DNAH5: variants seen among roughly 807,000 people sequenced by gnomAD.
The protein encoded by DNAH5 is axonemal beta dynein heavy chain 5.
DNAH5 carries 372 observed loss-of-function variants against 518.2 expected under a neutral mutation model. That is an observed-to-expected ratio of 0.72 (90% confidence interval 0.66 to 0.78). The LOEUF is 0.78. DNAH5 is among the 30% of genes least tolerant of loss of function. DNAH5 has a pLI of 0.00. For synonymous variants in DNAH5, 2,039 were observed against 2,025.9 expected (o/e 1.01, Z -0.17); for missense variants, 5,523 against 5,687.0 (o/e 0.97, Z 0.93).
At chr5:13,785,696 A>C (rs541508598) in intron 52 of DNAH5, among the ~76,000 whole-genome samples, 1 of 152,318 alleles carries the variant, frequency 6.6e-6, no homozygotes, top group East Asian at 1.9e-4. Context: ...CAACCCTGGA[A>C]TTCTCCATTC....
Position 13,820,368 on chromosome 5 carries a change from G to A in DNAH5, c.6819C>T (p.His2273=), listed in dbSNP as rs1355136245. The change falls in exon 41 of 79, where the codon CAC becomes CAT. Residue 2273 remains histidine, a synonymous_variant. Coordinates refer to ENST00000265104, the MANE Select transcript of DNAH5 (RefSeq NM_001369.3). ...PSGAGKTTCI[H]TLMRAMTDCG... ...TACCTGTCATGGCTCTCATCAAGGTGTGGATGCAGGTGGTCTTCCCAGCCC... is the reference window on the plus strand; with the variant it reads ...TACCTGTCATGGCTCTCATCAAGGTATGGATGCAGGTGGTCTTCCCAGCCC... 6.2e-7 allele frequency: 1 copy of A among 1,611,918 alleles called. No homozygotes were observed. The highest frequency in any genetic ancestry group is 8.5e-7 in the Non-Finnish European group (1 of 1,180,040).
chr5:13,904,803 C>A (rs1028596065), intron 12 of DNAH5, among the ~76,000 whole-genome samples: 1 of 151,840 alleles, frequency 6.6e-6, no homozygotes, highest in African/African-American at 2.4e-5. Context: ...CTCAACTACT[C>A]GGGAGGCTGA....
intron 1 of DNAH5, among the ~76,000 whole-genome samples, chr5:13,956,173 A>G (rs1780750640): frequency 6.6e-6 from 1 of 152,154 alleles, no homozygotes; most frequent in African/African-American, 2.4e-5. Flanking sequence ...TTCTTCCCGA[A>G]TCTTATGATT....
chr5:14,005,569 A>G (rs1784668917), intron 1 of DNAH5, among the ~76,000 whole-genome samples: 1 of 152,246 alleles, frequency 6.6e-6, no homozygotes, highest in Non-Finnish European at 1.5e-5. Flanking sequence ...AACTTGCATC[A>G]GCTGATGAGA....
At chr5:13,754,116 C>T (rs1750653054) in intron 62 of DNAH5, 87 bp downstream of exon 62, 1 of 1,523,208 alleles carries the variant, frequency 6.6e-7, no homozygotes. Context: ...CCATGTTGGA[C>T]ACACAAAGGA....
chr5:13,763,858 C>G (rs924367089), intron 59 of DNAH5, among the ~76,000 whole-genome samples: 1 of 152,102 alleles, frequency 6.6e-6, no homozygotes, highest in African/African-American at 2.4e-5. Context: ...GGCTTTGCCA[C>G]CAGGTAAATG....
intron 14 of DNAH5, chr5:13,900,626 T>C: frequency 5.1e-6 from 3 of 592,174 alleles, no homozygotes; most frequent in African/African-American, 3.7e-5. Context: ...GTCAATTCAA[T>C]AAAACCTTTC....
At position 13,769,624 on chromosome 5, in the gene DNAH5, G is replaced by T; in HGVS notation, c.9606-9C>A. The T allele has an allele frequency of 6.2e-7, 1 of 1,606,826 alleles. No homozygotes were observed. The highest frequency in any genetic ancestry group is 1.1e-5 in the South Asian group (1 of 90,940). On this transcript the variant is annotated splice_polypyrimidine_tract_variant and intron_variant, in intron 56 of 78. Transcript: ENST00000265104. ...CCAATCCAGTATTCATTCTGGGATT[G>T]AAAATCCAAGCAAGCAATGTTAAAA...
chr5:13,714,493 C>T lies in DNAH5; in HGVS notation c.13037G>A (p.Gly4346Asp), dbSNP rs371027404. Residue 4346 changes from glycine (G) to aspartate (D), a missense_variant, in exon 75 of 79, where the codon GGT (glycine) becomes GAT (aspartate). By Grantham distance (94) the Gly-to-Asp change is moderately conservative. This residue lies in a region of DNAH5 where 387 missense variants were observed against 430.0 expected (regional missense o/e 0.90). Coordinates refer to ENST00000265104, the MANE Select transcript of DNAH5 (RefSeq NM_001369.3). Reference protein sequence around the residue: ...ILGIQPKDTSGGGDETREAVV... With the variant: ...ILGIQPKDTSDGGDETREAVV... ...CGCCTCCCGGGTCTCATCCCCTCCACCAGAGGTGTCCTTGGGTTGGATGCC... is the reference window on the plus strand; with the variant it reads ...CGCCTCCCGGGTCTCATCCCCTCCATCAGAGGTGTCCTTGGGTTGGATGCC... 6 of 1,614,174 alleles carry T rather than the reference C, an allele frequency of 3.7e-6. No homozygotes were observed. The highest frequency in any genetic ancestry group is 3.3e-5 in the South Asian group (3 of 91,088).
intron 52 of DNAH5, among the ~76,000 whole-genome samples, chr5:13,784,764 A>G (rs1346836316): frequency 6.6e-6 from 1 of 152,222 alleles, no homozygotes; most frequent in Non-Finnish European, 1.5e-5. Flanking sequence ...GTTGATATCA[A>G]CTAAGTGAGA....
chr5:13,815,904 A>G (rs948856443), intron 42 of DNAH5, among the ~76,000 whole-genome samples: 2 of 152,192 alleles, frequency 1.3e-5, no homozygotes, highest in Admixed American at 6.5e-5. Flanking sequence ...TTTCTTCTAG[A>G]TAAGTGTGGA....
chr5:13,797,821 T>G (rs1300499964), intron 47 of DNAH5, among the ~76,000 whole-genome samples: 1 of 152,202 alleles, frequency 6.6e-6, no homozygotes, highest in African/African-American at 2.4e-5. Context: ...CCATCAATGA[T>G]AGACTGGATT....
intron 71 of DNAH5, among the ~76,000 whole-genome samples, chr5:13,719,492 A>G (rs1313176732): frequency 6.6e-6 from 1 of 152,240 alleles, no homozygotes; most frequent in Non-Finnish European, 1.5e-5. Flanking sequence ...GGACAATGAC[A>G]GAGAGAGTGA....
intron 38 of DNAH5, 114 bp from the exon 39 acceptor site, chr5:13,824,447 A>T: frequency 1.9e-6 from 2 of 1,029,472 alleles, no homozygotes; most frequent in East Asian, 5.1e-5. Flanking sequence ...ATTTTCCTTC[A>T]GAAAATGCAT....
intron 1 of DNAH5, among the ~76,000 whole-genome samples, chr5:13,991,698 A>T (rs1403954819): frequency 6.6e-6 from 1 of 151,996 alleles, no homozygotes; most frequent in African/African-American, 2.4e-5. Context: ...GACAGAACAG[A>T]GGTGTGAGGG....
intron 59 of DNAH5, 69 bp from the exon 60 acceptor site, chr5:13,762,970 T>C: frequency 7.6e-7 from 1 of 1,318,006 alleles, no homozygotes; most frequent in South Asian, 1.2e-5. Context: ...CATCATGCTC[T>C]CAATGCCACT....
rs181407274 is a variant in DNAH5, at chr5:13,876,638, C to T, written c.3396+46G>A. On this transcript the variant is annotated intron_variant, in intron 22 of 78. Coordinates refer to ENST00000265104, the MANE Select transcript of DNAH5 (RefSeq NM_001369.3). Reference sequence around the variant, plus strand: ...TGTGATGTTCACTTTCACACAAGTGCATGTTGCAAAGCAAAAGGTCCGGCT... The same window carrying T: ...TGTGATGTTCACTTTCACACAAGTGTATGTTGCAAAGCAAAAGGTCCGGCT... 7.8e-3 allele frequency: 12,541 copies of T among 1,604,394 alleles called. 77 individuals carry two copies. The highest frequency in any genetic ancestry group is 0.011 in the South Asian group (1,013 of 89,234).
chr5:13,746,155 CT>C (rs1245909585), intron 65 of DNAH5, among the ~76,000 whole-genome samples: 2 of 152,058 alleles, frequency 1.3e-5, no homozygotes, highest in Admixed American at 6.6e-5. Flanking sequence ...TCAAACTTCT[CT>C]GTTAAAAAGC....
intron 1 of DNAH5, among the ~76,000 whole-genome samples, chr5:13,990,646 T>G (rs977377884): frequency 1.3e-5 from 2 of 152,032 alleles, no homozygotes; most frequent in Non-Finnish European, 1.5e-5. Flanking sequence ...GGCGGGCGGA[T>G]TGCTTGAGGT....
Sources: allele counts gnomAD v4.1 joint callset (sites outside exome capture counted in the v4.1 genomes callset), GRCh38; gene constraint gnomAD v4.1.1; regional missense constraint gnomAD v4.1.1; transcripts MANE v1.5; gene names NCBI Gene and HGNC (gene_info 2026-07-23, HGNC 2026-07-21).